Variants in FBXO31 observed in about 807,000 individuals in gnomAD.
The protein encoded by FBXO31 is F-box only protein 31.
FBXO31 carries 24 observed loss-of-function variants against 54.4 expected under a neutral mutation model. The ratio of observed to expected loss-of-function variants is 0.44; its 90% CI spans 0.32 to 0.62. The LOEUF (loss-of-function observed/expected upper bound fraction) is 0.62. Ranked by LOEUF, FBXO31 falls within the 20% of genes least tolerant of loss-of-function variation. The pLI is 0.05. For missense variants in FBXO31, 665 were observed against 787.1 expected, an observed-to-expected ratio of 0.84 and a Z score of 1.86; for synonymous variants, 388 against 335.6, an observed-to-expected ratio of 1.16 and a Z score of -1.71.
intron 4 of FBXO31, among the ~76,000 whole-genome samples, chr16:87,343,305 T>C (rs1280865570): frequency 1.3e-5 from 2 of 152,218 alleles, no homozygotes; most frequent in African/African-American, 2.4e-5. Flanking sequence ...GCGCACTTGA[T>C]TCCACACTGA....
At chr16:87,337,175 A>T (rs968944428) in intron 5 of FBXO31, among the ~76,000 whole-genome samples, 12 of 152,246 alleles carry the variant, frequency 7.9e-5, no homozygotes, top group Non-Finnish European at 1.3e-4. Flanking sequence ...AATAAAATTT[A>T]AAAAAATTCT....
At chr16:87,362,202 C>T (rs1235834277) in intron 1 of FBXO31, among the ~76,000 whole-genome samples, 1 of 151,810 alleles carries the variant, frequency 6.6e-6, no homozygotes, top group Non-Finnish European at 1.5e-5. Context: ...CTAGTAGCCA[C>T]ATCAAAAAGG....
intron 1 of FBXO31, among the ~76,000 whole-genome samples, chr16:87,365,037 A>ATATATATATC (rs1489132121): frequency 1.9e-4 from 20 of 106,864 alleles, no homozygotes; most frequent in Non-Finnish European, 2.9e-4. Context: ...ATATATATAT[A>ATATATATATC]TATCAGGCAG....
At chr16:87,381,617 G>T (rs1314784237) in intron 1 of FBXO31, among the ~76,000 whole-genome samples, 1 of 152,236 alleles carries the variant, frequency 6.6e-6, no homozygotes, top group African/African-American at 2.4e-5. Flanking sequence ...AGGACTTGGA[G>T]AAAGGGTTCT....
chr16:87,328,732 A>C lies in FBXO31; in HGVS notation c.*2556T>G, dbSNP rs529055000. On this transcript the variant is annotated 3_prime_UTR_variant, in exon 9 of 9. Coordinates refer to ENST00000311635, the MANE Select transcript of FBXO31 (RefSeq NM_024735.5). Reference sequence around the variant, plus strand: ...TGCAGGCAGCCCCACTCCAGAGAGCAGACTTGATCCTGCCCCAGAGTGAGA... The same window carrying C: ...TGCAGGCAGCCCCACTCCAGAGAGCCGACTTGATCCTGCCCCAGAGTGAGA... 6.6e-6 allele frequency: 1 copy of C among 152,382 alleles called. No individual in the cohort carries two copies. Among genetic ancestry groups the C allele is most frequent in the South Asian group, 2.1e-4 (1 of 4,830 alleles). 9.4% of individuals were successfully genotyped at this position (152,382 alleles called of 1,614,324 possible).
chr16:87,349,875 C>T (rs1430750433), intron 2 of FBXO31, among the ~76,000 whole-genome samples: 1 of 151,162 alleles, frequency 6.6e-6, no homozygotes, highest in Non-Finnish European at 1.5e-5. Context: ...TGCCACTGCA[C>T]TCCAGCCTGT....
In FBXO31 at chr16:87,383,388, C is replaced by A; in HGVS notation, c.340+17G>T. The A allele has an allele frequency of 6.6e-7, 1 of 1,517,808 alleles. No homozygotes were observed. 94.0% of individuals were successfully genotyped at this position (1,517,808 alleles called of 1,614,324 possible). On this transcript the variant is annotated intron_variant, in intron 1 of 8. Transcript: ENST00000311635. This position sits in a 1 kb window ranked among gnomAD's most constrained non-coding sequence, Gnocchi z 4.9. Reference sequence around the variant, plus strand: ...GACCCCCCGCCCCTCCCGGCCCCGCCACCCCCGCGCGCTCACCCTCACGGC... The same window carrying A: ...GACCCCCCGCCCCTCCCGGCCCCGCAACCCCCGCGCGCTCACCCTCACGGC...
chr16:87,345,586 G>A lies in FBXO31; in HGVS notation c.489+1588C>T, dbSNP rs1428513239. Among the ~76,000 whole-genome samples, 1 of 152,016 alleles carries A rather than the reference G, an allele frequency of 6.6e-6. No homozygotes were observed. The highest frequency in any genetic ancestry group is 1.5e-5 in the Non-Finnish European group (1 of 67,994). On this transcript the variant is annotated intron_variant, in intron 3 of 8. Coordinates refer to ENST00000311635, the MANE Select transcript of FBXO31 (RefSeq NM_024735.5). The surrounding 1 kb of genome is among the most constrained non-coding windows in gnomAD (Gnocchi z 4.9). ...AAGCAGACATCTGCTCCTGGCCCTG[G>A]CCCCAGAGCTCATATCAAACCTGCC...
intron 1 of FBXO31, among the ~76,000 whole-genome samples, chr16:87,366,111 G>C (rs1447439715): frequency 6.6e-6 from 1 of 152,170 alleles, no homozygotes; most frequent in African/African-American, 2.4e-5. Context: ...CAGCCCAGAG[G>C]AGGCACGAGG....
intron 2 of FBXO31, 47 bp from the exon 3 acceptor site, chr16:87,347,297 C>CA: frequency 1.3e-6 from 2 of 1,546,610 alleles, no homozygotes; most frequent in Non-Finnish European, 1.8e-6. Context: ...ACCCAGCGTG[C>CA]CGCAGGGAGC....
chr16:87,344,807 G>A (rs923825870), intron 3 of FBXO31, among the ~76,000 whole-genome samples: 4 of 152,160 alleles, frequency 2.6e-5, no homozygotes, highest in Non-Finnish European at 5.9e-5. Context: ...CACAACAAAC[G>A]CAGAGCGGGT....
chr16:87,386,716 G>C (rs899249984), upstream of FBXO31, among the ~76,000 whole-genome samples: 2 of 152,188 alleles, frequency 1.3e-5, no homozygotes, highest in African/African-American at 2.4e-5. Flanking sequence ...TTACAGGCAC[G>C]AGCCACTGCA....
At position 87,383,364 on chromosome 16, in the gene FBXO31, A is replaced by ACCCC; in HGVS notation, c.340+37_340+40dup. 7.5e-7 allele frequency: 1 copy of ACCCC among 1,329,446 alleles called. No individual in the cohort carries two copies. Among genetic ancestry groups the ACCCC allele is most frequent in the Non-Finnish European group, 1.0e-6 (1 of 975,776 alleles). 82.4% of individuals were successfully genotyped at this position (1,329,446 alleles called of 1,614,324 possible). On this transcript the variant is annotated intron_variant, in intron 1 of 8. Transcript: ENST00000311635. This position sits in a 1 kb window ranked among gnomAD's most constrained non-coding sequence, Gnocchi z 4.9. ...GCTCCGAGGCCTCCACCTGGCAGGGACCCCCCGCCCCTCCCGGCCCCGCCA... is the reference window on the plus strand; with the variant it reads ...GCTCCGAGGCCTCCACCTGGCAGGGACCCCCCCCCCGCCCCTCCCGGCCCCGCCA...
chr16:87,381,701 G>C (rs1405604066), intron 1 of FBXO31, among the ~76,000 whole-genome samples: 1 of 152,186 alleles, frequency 6.6e-6, no homozygotes, highest in East Asian at 1.9e-4. Flanking sequence ...TCAACATGCA[G>C]TCCTACAAAT....
chr16:87,358,549 G>A lies in FBXO31; in HGVS notation c.412+1746C>T, dbSNP rs1192836853. ...TAAGGATGGCTCCCTTTACAGGACTGTGCAAACAGCGTGAATACGACCCAA... is the reference window on the plus strand; with the variant it reads ...TAAGGATGGCTCCCTTTACAGGACTATGCAAACAGCGTGAATACGACCCAA... On this transcript the variant is annotated intron_variant, in intron 2 of 8. Coordinates refer to ENST00000311635, the MANE Select transcript of FBXO31 (RefSeq NM_024735.5). The surrounding 1 kb of genome is among the most constrained non-coding windows in gnomAD (Gnocchi z 4.0). 1 of 152,708 alleles carries A rather than the reference G, an allele frequency of 6.5e-6. No individual in the cohort carries two copies. Among genetic ancestry groups the A allele is most frequent in the Admixed American group, 6.5e-5 (1 of 15,286 alleles). The allele number at this position is 152,708 out of a possible 1,614,324, so 9.5% of individuals were successfully genotyped here.
At chr16:87,347,610 G>A (rs2150677237) in intron 2 of FBXO31, among the ~76,000 whole-genome samples, 1 of 149,968 alleles carries the variant, frequency 6.7e-6, no homozygotes, top group East Asian at 2.0e-4. Context: ...AACCTGGGAG[G>A]TGGAGCTTGC....
chr16:87,356,703 G>A (rs1157348984), intron 2 of FBXO31, among the ~76,000 whole-genome samples: 2 of 152,216 alleles, frequency 1.3e-5, no homozygotes, highest in African/African-American at 2.4e-5. Context: ...GACATTAGGT[G>A]AAATTACTCT....
chr16:87,346,964 C>G lies in FBXO31; in HGVS notation c.489+210G>C, dbSNP rs1195322078. On this transcript the variant is annotated intron_variant, in intron 3 of 8. Coordinates refer to ENST00000311635, the MANE Select transcript of FBXO31 (RefSeq NM_024735.5). This position sits in a 1 kb window ranked among gnomAD's most constrained non-coding sequence, Gnocchi z 4.2. The stretch of plus-strand genomic sequence containing the variant: ...GACCAGAGAGTCCAAGGACGGGCCA[C>G]AAGGCCGAAGTGTTGCTCTAAGCAA... Among the ~76,000 whole-genome samples the G allele has an allele frequency of 6.6e-6, 1 of 152,236 alleles. No homozygotes were observed.
At chr16:87,347,544 G>T (rs530641535) in intron 2 of FBXO31, among the ~76,000 whole-genome samples, 2 of 152,188 alleles carry the variant, frequency 1.3e-5, no homozygotes, top group East Asian at 1.9e-4. Context: ...GCCGGGTGTG[G>T]TGGCGGGTGC....
Sources: gnomAD v4.1 joint callset for allele counts (sites outside exome capture counted in the v4.1 genomes callset) on GRCh38, gnomAD v4.1.1 for gene constraint, Gnocchi (gnomAD v3.1) non-coding constraint, MANE v1.5 for transcripts, NCBI Gene and HGNC (gene_info 2026-07-23, HGNC 2026-07-21) for gene names.